NEGR1: variants seen among roughly 807,000 people sequenced by gnomAD.
NEGR1 encodes neuronal growth regulator 1, also known as IgLON family member 4.
In NEGR1, 10 loss-of-function variants were observed where a neutral mutation model predicts 40.9. The ratio of observed to expected loss-of-function variants is 0.24; its 90% CI spans 0.15 to 0.42. NEGR1 has a LOEUF of 0.42. Among genes scored for constraint, NEGR1 ranks in the 10% least tolerant of loss-of-function variants. NEGR1 has a pLI of 1.00. For synonymous variants in NEGR1, 185 were observed against 166.8 expected, an observed-to-expected ratio of 1.11 and a Z score of -0.84; for missense variants, 352 against 438.9, an observed-to-expected ratio of 0.80 and a Z score of 1.77.
intron 1 of NEGR1, among the ~76,000 whole-genome samples, chr1:72,266,867 G>T (rs1178625855): frequency 6.7e-6 from 1 of 150,108 alleles, no homozygotes; most frequent in Non-Finnish European, 1.5e-5. Context: ...TTGATGAGGA[G>T]GAAAATGTCC....
chr1:71,413,597 T>G (rs1646337510), intron 6 of NEGR1, among the ~76,000 whole-genome samples: 1 of 152,208 alleles, frequency 6.6e-6, no homozygotes, highest in Non-Finnish European at 1.5e-5. Flanking sequence ...GGATATGACC[T>G]CTTCCTTTTC....
intron 4 of NEGR1, among the ~76,000 whole-genome samples, chr1:71,632,956 G>A (rs1257207505): frequency 6.6e-6 from 1 of 151,942 alleles, no homozygotes; most frequent in Non-Finnish European, 1.5e-5. Flanking sequence ...TGATTTTATG[G>A]CAAGATTTTC....
chr1:71,848,959 G>A (rs926570102), intron 2 of NEGR1, among the ~76,000 whole-genome samples: 10 of 151,914 alleles, frequency 6.6e-5, no homozygotes, highest in African/African-American at 2.2e-4. Context: ...GTGTGGGGGC[G>A]CACGCCTATA....
intron 6 of NEGR1, among the ~76,000 whole-genome samples, chr1:71,524,901 G>A (rs1341470589): frequency 6.6e-6 from 1 of 151,718 alleles, no homozygotes; most frequent in African/African-American, 2.4e-5. Context: ...ATGAGCAAAA[G>A]AACATGGACA....
chr1:72,043,308 T>G (rs1190568976), intron 1 of NEGR1, among the ~76,000 whole-genome samples: 4 of 151,962 alleles, frequency 2.6e-5, no homozygotes, highest in Non-Finnish European at 4.4e-5. Context: ...TCATTTCCTT[T>G]ATCAAGTCTT....
chr1:72,174,303 A>G (rs566082798), intron 1 of NEGR1, among the ~76,000 whole-genome samples: 90 of 152,214 alleles, frequency 5.9e-4, no homozygotes, highest in African/African-American at 2.1e-3. Context: ...AGAGTGGTGC[A>G]TTTGCTACAA....
chr1:71,573,019 G>T (rs1648854674), intron 6 of NEGR1, among the ~76,000 whole-genome samples: 1 of 152,186 alleles, frequency 6.6e-6, no homozygotes, highest in African/African-American at 2.4e-5. Flanking sequence ...TAAGGGTTTT[G>T]CAGAAAATTC....
chr1:71,990,918 A>T (rs2422107), intron 1 of NEGR1, among the ~76,000 whole-genome samples: 32,312 of 104,144 alleles, frequency 0.31, 4,422 homozygotes, highest in African/African-American at 0.44. Flanking sequence ...ATATATATAT[A>T]TTTTTTTTTT....
At chr1:72,134,988 C>T (rs935724980) in intron 1 of NEGR1, among the ~76,000 whole-genome samples, 3 of 151,412 alleles carry the variant, frequency 2.0e-5, no homozygotes, top group Admixed American at 6.6e-5. Context: ...CTGCCTACCT[C>T]GGCCTCCCAA....
At chr1:71,666,804 T>G (rs1292469121) in intron 4 of NEGR1, among the ~76,000 whole-genome samples, 19 of 152,160 alleles carry the variant, frequency 1.2e-4, no homozygotes, top group Admixed American at 1.2e-3. Context: ...AAGTATAATT[T>G]TGAATGATTT....
At chr1:71,968,888 T>C (rs940461559) in intron 1 of NEGR1, among the ~76,000 whole-genome samples, 1 of 152,184 alleles carries the variant, frequency 6.6e-6, no homozygotes, top group Non-Finnish European at 1.5e-5. Context: ...AGACATGATG[T>C]TTCAAAATGT....
At chr1:71,945,748 T>C (rs746946478) in intron 1 of NEGR1, among the ~76,000 whole-genome samples, 2 of 152,174 alleles carry the variant, frequency 1.3e-5, no homozygotes, top group Non-Finnish European at 2.9e-5. Flanking sequence ...AGCAACTGTT[T>C]TGGGCAAGTA....
intron 1 of NEGR1, among the ~76,000 whole-genome samples, chr1:72,012,658 T>C (rs1453259067): frequency 6.6e-6 from 1 of 151,966 alleles, no homozygotes; most frequent in Non-Finnish European, 1.5e-5. Flanking sequence ...AGCCAGACCC[T>C]CTTTTTTTTC....
chr1:72,256,549 G>GT (rs1254890997), intron 1 of NEGR1, among the ~76,000 whole-genome samples: 1 of 152,112 alleles, frequency 6.6e-6, no homozygotes, highest in African/African-American at 2.4e-5. Flanking sequence ...CCCTAACCAT[G>GT]TAAGTTCATT....
intron 1 of NEGR1, among the ~76,000 whole-genome samples, chr1:72,209,148 T>A (rs925389331): frequency 7.9e-5 from 12 of 151,634 alleles, no homozygotes. Flanking sequence ...ATTATTAAAC[T>A]CTTTTAATTT....
intron 1 of NEGR1, among the ~76,000 whole-genome samples, chr1:72,200,438 T>G (rs1364747540): frequency 6.6e-6 from 1 of 152,010 alleles, no homozygotes; most frequent in African/African-American, 2.4e-5. Context: ...GATTGCATGT[T>G]CTCACTTACA....
At chr1:71,848,585 A>G (rs1481705801) in intron 2 of NEGR1, among the ~76,000 whole-genome samples, 1 of 152,200 alleles carries the variant, frequency 6.6e-6, no homozygotes, top group African/African-American at 2.4e-5. Context: ...GGTTTACTAA[A>G]TATTTAAGCC....
chr1:71,866,069 C>T (rs943931580), intron 2 of NEGR1, among the ~76,000 whole-genome samples: 22 of 152,026 alleles, frequency 1.4e-4, no homozygotes, highest in African/African-American at 4.6e-4. Flanking sequence ...TTCCTTTCAA[C>T]TATATAAACA....
At chr1:72,076,814 T>C (rs889652952) in intron 1 of NEGR1, among the ~76,000 whole-genome samples, 3 of 151,394 alleles carry the variant, frequency 2.0e-5, no homozygotes, top group African/African-American at 7.3e-5. Context: ...AGTTTGTCAA[T>C]GGGAGGAAAG....
Sources: gnomAD v4.1 joint callset for allele counts (sites outside exome capture counted in the v4.1 genomes callset) on GRCh38, gnomAD v4.1.1 for gene constraint, MANE v1.5 for transcripts, NCBI Gene and HGNC (gene_info 2026-07-23, HGNC 2026-07-21) for gene names.